BTBD7: variants seen among roughly 807,000 people sequenced by gnomAD.
The protein encoded by BTBD7 is BTB domain containing 7, also known as BTB/POZ domain-containing protein 7.
BTBD7 carries 38 observed loss-of-function variants against 99.9 expected under a neutral mutation model. The observed-to-expected ratio is 0.38, with a 90% confidence interval of 0.29 to 0.50. BTBD7 has a LOEUF of 0.50. BTBD7 is among the 20% of genes least tolerant of loss of function. The probability of loss-of-function intolerance (pLI) is 0.93; values close to 1 mark genes in which losing one functional copy is unlikely to be tolerated. For synonymous variants in BTBD7, 520 were observed against 511.4 expected (o/e 1.02, Z -0.23); for missense variants, 1,170 against 1,394.6 (o/e 0.84, Z 2.57).
chr14:93,310,892 C>G (rs2053129725), intron 1 of BTBD7, among the ~76,000 whole-genome samples: 1 of 143,022 alleles, frequency 7.0e-6, no homozygotes, highest in African/African-American at 2.7e-5. Context: ...TATCAATGAT[C>G]ACCAACTAAA....
At chr14:93,289,293 A>G (rs2052818734) in intron 3 of BTBD7, among the ~76,000 whole-genome samples, 2 of 152,210 alleles carry the variant, frequency 1.3e-5, no homozygotes, top group South Asian at 4.1e-4. Context: ...CTTTTCTAAT[A>G]CCATACATAA....
In BTBD7 at chr14:93,301,964, G is replaced by A. The variant is rs114695110; in HGVS notation, c.-106-5807C>T. On this transcript the variant is annotated intron_variant, in intron 1 of 10. Transcript: ENST00000334746. ...CCAGTAAAGATTTATTAGGCAAAGC[G>A]CAGGAATTGACATCAGGGATAAGGT... Among the ~76,000 whole-genome samples the A allele has an allele frequency of 7.1e-3, 1,080 of 152,308 alleles. 14 individuals are homozygous for A. Among genetic ancestry groups the A allele is most frequent in the African/African-American group, 0.025 (1,031 of 41,554 alleles).
chr14:93,332,579 C>G (rs1388992343), intron 1 of BTBD7, among the ~76,000 whole-genome samples: 1 of 151,562 alleles, frequency 6.6e-6, no homozygotes, highest in Non-Finnish European at 1.5e-5. Context: ...CCAGGGACGG[C>G]GGCGCGCTCC....
At chr14:93,253,021 G>T (rs1016239789) in intron 7 of BTBD7, among the ~76,000 whole-genome samples, 1 of 152,060 alleles carries the variant, frequency 6.6e-6, no homozygotes, top group African/African-American at 2.4e-5. Context: ...TAGAGTTGGG[G>T]TTTTACCATG....
chr14:93,329,472 AAGC>A (rs1162182675), intron 1 of BTBD7, among the ~76,000 whole-genome samples: 1 of 152,222 alleles, frequency 6.6e-6, no homozygotes, highest in Non-Finnish European at 1.5e-5. Context: ...AAATAAATGA[AAGC>A]AGAGACTCAG....
chr14:93,271,615 A>G (rs1327852417), intron 3 of BTBD7, among the ~76,000 whole-genome samples: 2 of 152,172 alleles, frequency 1.3e-5, no homozygotes, highest in Non-Finnish European at 2.9e-5. Context: ...TTAAGAAATA[A>G]TGGAAGTGAG....
At chr14:93,328,574 A>G (rs1481406691) in intron 1 of BTBD7, among the ~76,000 whole-genome samples, 1 of 151,022 alleles carries the variant, frequency 6.6e-6, no homozygotes, top group Admixed American at 6.6e-5. Context: ...ATCCACACAT[A>G]AAGACCTAAA....
chr14:93,248,075 G>A (rs1292208173), intron 9 of BTBD7, among the ~76,000 whole-genome samples: 1 of 152,230 alleles, frequency 6.6e-6, no homozygotes, highest in Non-Finnish European at 1.5e-5. Context: ...CTCTGGGCAT[G>A]CACACTGTGG....
intron 3 of BTBD7, among the ~76,000 whole-genome samples, chr14:93,289,717 TG>T (rs2052823776): frequency 6.6e-6 from 1 of 152,136 alleles, no homozygotes; most frequent in Non-Finnish European, 1.5e-5. Context: ...GAAAATCAAG[TG>T]AAGTTAAATC....
intron 3 of BTBD7, among the ~76,000 whole-genome samples, chr14:93,275,436 G>A (rs1169372241): frequency 6.6e-6 from 1 of 152,150 alleles, no homozygotes; most frequent in Non-Finnish European, 1.5e-5. Flanking sequence ...GTAGTTTTCT[G>A]TGTTTTGTTT....
chr14:93,285,848 T>C (rs575435579), intron 3 of BTBD7, among the ~76,000 whole-genome samples: 2 of 152,220 alleles, frequency 1.3e-5, no homozygotes, highest in African/African-American at 2.4e-5. Context: ...TATGGTGCAA[T>C]AGCAGAAAAC....
intron 3 of BTBD7, among the ~76,000 whole-genome samples, chr14:93,289,116 G>C (rs1445468864): frequency 1.3e-5 from 2 of 152,216 alleles, no homozygotes; most frequent in Non-Finnish European, 2.9e-5. Flanking sequence ...GCAAGTGATA[G>C]TAATGCAAGA....
At chr14:93,306,363 T>C (rs1465358411) in intron 1 of BTBD7, among the ~76,000 whole-genome samples, 2 of 151,406 alleles carry the variant, frequency 1.3e-5, no homozygotes, top group Non-Finnish European at 2.9e-5. Context: ...ATCCCAGCAC[T>C]TTGGGAGGCT....
chr14:93,323,319 AATAT>A (rs538297737), intron 1 of BTBD7, among the ~76,000 whole-genome samples: 141 of 152,294 alleles, frequency 9.3e-4, no homozygotes, highest in Admixed American at 1.7e-3. Flanking sequence ...TAAATGATGA[AATAT>A]ATACAGTTAG....
intron 1 of BTBD7, among the ~76,000 whole-genome samples, chr14:93,303,940 G>C (rs1282440861): frequency 6.6e-6 from 1 of 152,214 alleles, no homozygotes; most frequent in African/African-American, 2.4e-5. Flanking sequence ...ACAGCAGCCA[G>C]TGCAGGAGCT....
At chr14:93,302,478 A>C (rs2053016636) in intron 1 of BTBD7, among the ~76,000 whole-genome samples, 1 of 152,232 alleles carries the variant, frequency 6.6e-6, no homozygotes, top group African/African-American at 2.4e-5. Flanking sequence ...CTGACCAGGC[A>C]AAGTGGGATG....
intron 1 of BTBD7, among the ~76,000 whole-genome samples, chr14:93,321,965 C>T (rs1271405124): frequency 6.6e-6 from 1 of 151,860 alleles, no homozygotes; most frequent in East Asian, 1.9e-4. Flanking sequence ...TGAGAAGGCC[C>T]ACGGAGAGAA....
Position 93,253,756 on chromosome 14 carries a change from T to G in BTBD7, c.1643A>C (p.Asp548Ala). The G allele has an allele frequency of 6.2e-7, 1 of 1,611,850 alleles. No individual in the cohort carries two copies. Among genetic ancestry groups the G allele is most frequent in the Non-Finnish European group, 8.5e-7 (1 of 1,178,406 alleles). ...KRGLISTPPS[D>A]MLPTTEGGKS... is the part of the protein sequence containing the mutation. ...CCCACCTTCTGTTGTAGGAAGCATA[T>G]CTGATGGAGGAGTACTAATCAAGCC... Residue 548 changes from aspartate to alanine, a missense_variant, in exon 7 of 11, where the codon GAT (aspartate) becomes GCT (alanine). Transcript: ENST00000334746.
At chr14:93,288,853 A>G (rs1040987335) in intron 3 of BTBD7, 1 of 1,209,480 alleles carries the variant, frequency 8.3e-7, no homozygotes, top group African/African-American at 1.5e-5. Context: ...TTCTTCTTGT[A>G]TTTGCCTGGC....
Sources: allele counts gnomAD v4.1 joint callset (sites outside exome capture counted in the v4.1 genomes callset), GRCh38; gene constraint gnomAD v4.1.1; transcripts MANE v1.5; gene names NCBI Gene and HGNC (gene_info 2026-07-23, HGNC 2026-07-21).